Variants in CCDC102B observed in about 807,000 individuals in gnomAD.
CCDC102B encodes the protein coiled-coil domain containing 102B.
A neutral mutation model predicts 57.4 loss-of-function variants in CCDC102B; 75 were observed. The ratio of observed to expected loss-of-function variants is 1.31; its 90% CI spans 1.08 to 1.58. The LOEUF (loss-of-function observed/expected upper bound fraction) is 1.58. CCDC102B is among the 40% of genes most tolerant of loss of function. CCDC102B has a pLI of 0.00. For missense variants in CCDC102B, 636 were observed against 582.6 expected, an observed-to-expected ratio of 1.09 and a Z score of -0.94; for synonymous variants, 206 against 201.9, an observed-to-expected ratio of 1.02 and a Z score of -0.17.
At chr18:68,903,386 A>G (rs1188211710) in intron 6 of CCDC102B, among the ~76,000 whole-genome samples, 4 of 152,188 alleles carry the variant, frequency 2.6e-5, no homozygotes, top group Admixed American at 1.3e-4. Flanking sequence ...TGTGCTCACT[A>G]CAAAAGGATT....
intron 2 of CCDC102B, among the ~76,000 whole-genome samples, chr18:68,776,383 T>A (rs2144624304): frequency 6.6e-6 from 1 of 152,328 alleles, no homozygotes; most frequent in Non-Finnish European, 1.5e-5. Context: ...CTTGTAGCAC[T>A]CTTCACAATA....
intron 2 of CCDC102B, among the ~76,000 whole-genome samples, chr18:68,759,159 A>T (rs890187080): frequency 2.0e-5 from 3 of 152,028 alleles, no homozygotes; most frequent in Non-Finnish European, 4.4e-5. Context: ...ACAGAGTATA[A>T]CAAAGAAAGA....
At chr18:68,877,593 CA>C (rs2039498717) in intron 5 of CCDC102B, among the ~76,000 whole-genome samples, 1 of 152,176 alleles carries the variant, frequency 6.6e-6, no homozygotes, top group African/African-American at 2.4e-5. Context: ...GCTTCCAATC[CA>C]AAACTGCTTT....
intron 5 of CCDC102B, among the ~76,000 whole-genome samples, chr18:68,888,836 G>A (rs2039976059): frequency 6.6e-6 from 1 of 152,130 alleles, no homozygotes; most frequent in African/African-American, 2.4e-5. Flanking sequence ...TCACTTTGAA[G>A]TTAGTAAGTC....
chr18:69,038,356 G>A (rs1322406813), intron 7 of CCDC102B, among the ~76,000 whole-genome samples: 1 of 149,214 alleles, frequency 6.7e-6, no homozygotes, highest in East Asian at 2.0e-4. Context: ...AAAATGTTTT[G>A]TGTGTTTCTG....
intron 6 of CCDC102B, among the ~76,000 whole-genome samples, chr18:68,913,546 C>G (rs2040955613): frequency 6.6e-6 from 1 of 151,724 alleles, no homozygotes; most frequent in African/African-American, 2.4e-5. Flanking sequence ...TCCCAGCTAC[C>G]TGGGAGGCTG....
intron 6 of CCDC102B, among the ~76,000 whole-genome samples, chr18:68,958,261 A>T (rs370164991): frequency 1.3e-5 from 2 of 152,196 alleles, no homozygotes; most frequent in African/African-American, 4.8e-5. Flanking sequence ...AAACCATATC[A>T]TGTCATATGG....
At chr18:68,733,759 AT>A (rs2033003718) in intron 2 of CCDC102B, among the ~76,000 whole-genome samples, 1 of 151,948 alleles carries the variant, frequency 6.6e-6, no homozygotes, top group Non-Finnish European at 1.5e-5. Flanking sequence ...ACGATTAAAA[AT>A]TTTTTACACT....
chr18:68,928,328 G>A (rs1383519711), intron 6 of CCDC102B, among the ~76,000 whole-genome samples: 2 of 151,854 alleles, frequency 1.3e-5, no homozygotes, highest in African/African-American at 2.4e-5. Context: ...AAAGGCTATT[G>A]ACAGTGAAGG....
At chr18:68,869,928 G>T (rs1220443180) in intron 4 of CCDC102B, among the ~76,000 whole-genome samples, 4 of 152,074 alleles carry the variant, frequency 2.6e-5, no homozygotes, top group African/African-American at 9.7e-5. Context: ...TCCAGTTTCA[G>T]TTTTCTGCAT....
chr18:68,765,355 AAGAAAG>A (rs2034419833), intron 2 of CCDC102B, among the ~76,000 whole-genome samples: 2 of 146,710 alleles, frequency 1.4e-5, no homozygotes, highest in South Asian at 4.3e-4. Context: ...GAAAGAAAGA[AAGAAAG>A]AAAGAAAGAA....
upstream of CCDC102B, among the ~76,000 whole-genome samples, chr18:68,796,866 TG>T (rs1382270454): frequency 6.6e-6 from 1 of 151,914 alleles, no homozygotes; most frequent in Non-Finnish European, 1.5e-5. Context: ...TGTGTGTGTG[TG>T]TGTATTGTCA....
chr18:68,979,437 A>G (rs184836470), intron 6 of CCDC102B, among the ~76,000 whole-genome samples: 1 of 152,122 alleles, frequency 6.6e-6, no homozygotes, highest in African/African-American at 2.4e-5. Flanking sequence ...AGACAATTAG[A>G]AAAAAAGAAT....
At chr18:68,965,087 G>A (rs145176865) in intron 6 of CCDC102B, among the ~76,000 whole-genome samples, 133 of 151,912 alleles carry the variant, frequency 8.8e-4, no homozygotes, top group Middle Eastern at 3.4e-3. Flanking sequence ...TATCTTGTTT[G>A]CTGTTTGCTC....
At chr18:69,022,207 ATATATATATATATAT>A (rs1410487451) in intron 7 of CCDC102B, among the ~76,000 whole-genome samples, 1 of 4,982 alleles carries the variant, frequency 2.0e-4, no homozygotes, top group Non-Finnish European at 3.1e-3. Context: ...ATATATATAT[ATATATATATATATAT>A]AACACACACA....
intron 4 of CCDC102B, among the ~76,000 whole-genome samples, chr18:68,874,003 T>C (rs1321182641): frequency 6.6e-6 from 1 of 152,062 alleles, no homozygotes; most frequent in African/African-American, 2.4e-5. Flanking sequence ...ACGGTTCTGC[T>C]GAAAATTTTT....
At position 69,050,406 on chromosome 18, in the gene CCDC102B, C is replaced by G. The variant is rs116867977; in HGVS notation, c.1435-3624C>G. 1.9e-3 allele frequency among the ~76,000 whole-genome samples: 289 copies of G among 152,254 alleles called. 7 individuals are homozygous for G. In the East Asian group the frequency reaches 0.045, roughly 24 times the overall value. Reference sequence around the variant, plus strand: ...TATTCTGCCTTTAAGATGACTTCTGCACTTTAGATATTAAGTGCTCATTTT... The same window carrying G: ...TATTCTGCCTTTAAGATGACTTCTGGACTTTAGATATTAAGTGCTCATTTT... On this transcript the variant is annotated intron_variant, in intron 7 of 7. Transcript: ENST00000360242.
chr18:68,947,199 G>A (rs1206401378), intron 6 of CCDC102B, among the ~76,000 whole-genome samples: 3 of 151,738 alleles, frequency 2.0e-5, no homozygotes, highest in Non-Finnish European at 4.4e-5. Context: ...AAGAGATAGA[G>A]GGGCATCAGT....
At chr18:68,753,948 G>T (rs2033954570) in intron 2 of CCDC102B, 1 of 152,006 alleles carries the variant, frequency 6.6e-6, no homozygotes, top group Non-Finnish European at 1.5e-5. Flanking sequence ...TAATAAAAAT[G>T]ATTCAAATAT....
Sources: allele counts gnomAD v4.1 joint callset (sites outside exome capture counted in the v4.1 genomes callset), GRCh38; gene constraint gnomAD v4.1.1; transcripts MANE v1.5; gene names NCBI Gene and HGNC (gene_info 2026-07-23, HGNC 2026-07-21).